Variants in NSUN3 observed in about 807,000 individuals in gnomAD.
NSUN3 encodes the protein NOP2/Sun RNA methyltransferase 3.
In NSUN3, 24 loss-of-function variants were observed where a neutral mutation model predicts 36.8. The observed-to-expected ratio is 0.65, with a 90% CI of 0.47 to 0.92. NSUN3 has a LOEUF of 0.92. NSUN3 is among the 40% of genes least tolerant of loss of function. NSUN3 has a pLI of 0.00. For missense variants in NSUN3, 381 were observed against 392.8 expected (o/e 0.97, Z 0.25); for synonymous variants, 146 against 145.2 (o/e 1.01, Z -0.04).
intron 5 of NSUN3, among the ~76,000 whole-genome samples, chr3:94,122,184 C>T (rs181427046): frequency 2.5e-4 from 37 of 150,632 alleles, no homozygotes; most frequent in African/African-American, 9.0e-4. Context: ...ATTTAAGTGA[C>T]CTCCATGGCA....
chr3:94,121,913 G>C (rs1431991930), intron 5 of NSUN3, among the ~76,000 whole-genome samples: 1 of 152,206 alleles, frequency 6.6e-6, no homozygotes, highest in African/African-American at 2.4e-5. Flanking sequence ...GGGAGGCCAA[G>C]GCGGGCGGAT....
intron 3 of NSUN3, among the ~76,000 whole-genome samples, chr3:94,086,348 G>A (rs901495721): frequency 6.6e-6 from 1 of 152,230 alleles, no homozygotes; most frequent in African/African-American, 2.4e-5. Flanking sequence ...TGTGTGGGAA[G>A]CTTGCTTGTC....
intron 2 of NSUN3, among the ~76,000 whole-genome samples, chr3:94,068,822 C>A: frequency 6.7e-6 from 1 of 148,986 alleles, no homozygotes. Context: ...ACACACACAA[C>A]CTGATAATAT....
At chr3:94,069,215 TA>T (rs1402144912) in intron 2 of NSUN3, among the ~76,000 whole-genome samples, 1 of 152,158 alleles carries the variant, frequency 6.6e-6, no homozygotes, top group African/African-American at 2.4e-5. Flanking sequence ...CTATCTGAGG[TA>T]CAGTGAATAA....
At chr3:94,103,569 AATTT>A (rs2077374377) in intron 5 of NSUN3, among the ~76,000 whole-genome samples, 1 of 151,702 alleles carries the variant, frequency 6.6e-6, no homozygotes, top group East Asian at 1.9e-4. Flanking sequence ...TATGTAGAGT[AATTT>A]ATTTATTTAT....
intron 5 of NSUN3, among the ~76,000 whole-genome samples, chr3:94,123,236 C>T (rs1057315465): frequency 6.6e-6 from 1 of 152,184 alleles, no homozygotes; most frequent in Non-Finnish European, 1.5e-5. Context: ...TCTGAGGCTT[C>T]ACTCCTTTCA....
At chr3:94,122,439 T>C (rs546414267) in intron 5 of NSUN3, among the ~76,000 whole-genome samples, 1 of 152,212 alleles carries the variant, frequency 6.6e-6, no homozygotes, top group Middle Eastern at 3.4e-3. Flanking sequence ...TTTTCTAAAA[T>C]TGTCAAAAAA....
At chr3:94,068,367 A>G (rs1178540485) in intron 2 of NSUN3, among the ~76,000 whole-genome samples, 1 of 152,092 alleles carries the variant, frequency 6.6e-6, no homozygotes, top group Non-Finnish European at 1.5e-5. Flanking sequence ...TGATAGAGCT[A>G]TTGTGATTCT....
rs978881147 is a variant in NSUN3, at chr3:94,128,557, G to A, written c.*2067G>A. Reference sequence around the variant, plus strand: ...TGATTACTGAAAAATGGATGCACGTGTGTGTGTGTGTGTGTGTGTGTGTGT... The same window carrying A: ...TGATTACTGAAAAATGGATGCACGTATGTGTGTGTGTGTGTGTGTGTGTGT... On this transcript the variant is annotated 3_prime_UTR_variant, in exon 6 of 6. Coordinates refer to ENST00000314622, the MANE Select transcript of NSUN3 (RefSeq NM_022072.5). 9 of 33,338 alleles carry A rather than the reference G, an allele frequency of 2.7e-4. No homozygotes were observed. The highest frequency in any genetic ancestry group is 5.3e-4 in the Non-Finnish European group (8 of 15,166). The allele number at this position is 33,338 out of a possible 1,614,324, so 2.1% of individuals were successfully genotyped here. A position where few individuals can be genotyped will look rare whatever the true frequency, so the allele number is the denominator to read the frequency against.
chr3:94,092,481 T>A (rs568724699), intron 3 of NSUN3, among the ~76,000 whole-genome samples: 1 of 152,298 alleles, frequency 6.6e-6, no homozygotes, highest in South Asian at 2.1e-4. Flanking sequence ...TTAAGTTCCA[T>A]TAGTGAGTCC....
intron 2 of NSUN3, chr3:94,076,577 G>T: frequency 2.4e-6 from 2 of 848,406 alleles, no homozygotes; most frequent in Middle Eastern, 3.4e-4. Flanking sequence ...CGGGTAGATG[G>T]TGTGATCATC....
chr3:94,067,450 A>G (rs1228499167), intron 2 of NSUN3, among the ~76,000 whole-genome samples: 1 of 152,148 alleles, frequency 6.6e-6, no homozygotes, highest in African/African-American at 2.4e-5. Context: ...TCATCCTTGG[A>G]ATCCCTGAAC....
chr3:94,072,489 C>T (rs1446738855), intron 2 of NSUN3, among the ~76,000 whole-genome samples: 2 of 152,076 alleles, frequency 1.3e-5, no homozygotes, highest in Non-Finnish European at 2.9e-5. Flanking sequence ...ATAATGATAT[C>T]AGAGTATGGT....
At chr3:94,119,441 G>C (rs74757949) in intron 5 of NSUN3, among the ~76,000 whole-genome samples, 4,821 of 152,238 alleles carry the variant, frequency 0.032, 246 homozygotes, top group African/African-American at 0.11. Context: ...CTCTGGGGGA[G>C]GGGGACAGGG....
chr3:94,096,344 T>C (rs2077339465), intron 5 of NSUN3, among the ~76,000 whole-genome samples: 1 of 152,194 alleles, frequency 6.6e-6, no homozygotes, highest in South Asian at 2.1e-4. Flanking sequence ...ACTTCTGATG[T>C]CCACCTTTCA....
At chr3:94,101,343 A>C (rs2077365407) in intron 5 of NSUN3, among the ~76,000 whole-genome samples, 1 of 152,104 alleles carries the variant, frequency 6.6e-6, no homozygotes, top group Non-Finnish European at 1.5e-5. Context: ...ATACTCCTTA[A>C]AATTTTTTAA....
intron 2 of NSUN3, among the ~76,000 whole-genome samples, chr3:94,066,462 C>CT (rs1447337552): frequency 1.3e-5 from 2 of 152,160 alleles, no homozygotes; most frequent in Non-Finnish European, 2.9e-5. Flanking sequence ...GTCAAGTGCT[C>CT]TTTTTTTGGC....
At chr3:94,076,694 G>A (rs2077247980) in intron 2 of NSUN3, 1 of 1,254,844 alleles carries the variant, frequency 8.0e-7, no homozygotes, top group East Asian at 2.3e-5. Flanking sequence ...AGAAAGATCT[G>A]GTTTAGGATG....
At chr3:94,111,278 T>C (rs2077416131) in intron 5 of NSUN3, among the ~76,000 whole-genome samples, 2 of 152,194 alleles carry the variant, frequency 1.3e-5, no homozygotes, top group African/African-American at 4.8e-5. Flanking sequence ...GAAGTTGCTC[T>C]GGGTGAGTCA....
Sources: gnomAD v4.1 joint callset for allele counts (sites outside exome capture counted in the v4.1 genomes callset) on GRCh38, gnomAD v4.1.1 for gene constraint, MANE v1.5 for transcripts, NCBI Gene and HGNC (gene_info 2026-07-23, HGNC 2026-07-21) for gene names.